Variants in INPP4A observed in about 807,000 individuals in gnomAD.
INPP4A encodes inositol polyphosphate-4-phosphatase type I A.
A neutral mutation model predicts 119.8 loss-of-function variants in INPP4A; 33 were observed. The observed-to-expected ratio is 0.28, with a 90% CI of 0.21 to 0.37. INPP4A has a LOEUF of 0.37. Among genes scored for constraint, INPP4A ranks in the 10% least tolerant of loss-of-function variants. INPP4A has a pLI of 1.00. For synonymous variants in INPP4A, 496 were observed against 500.7 expected (o/e 0.99, Z 0.12); for missense variants, 956 against 1,289.9 (o/e 0.74, Z 3.97).
At chr2:98,499,698 T>G (rs1682727992) in intron 1 of INPP4A, among the ~76,000 whole-genome samples, 1 of 152,220 alleles carries the variant, frequency 6.6e-6, no homozygotes, top group Admixed American at 6.5e-5. Context: ...TTAGAGCAGT[T>G]TTAGTTCACA....
chr2:98,471,160 C>T (rs574066634), intron 1 of INPP4A, among the ~76,000 whole-genome samples: 4 of 152,134 alleles, frequency 2.6e-5, no homozygotes, highest in South Asian at 2.1e-4. Flanking sequence ...TATGAGTGTG[C>T]GTGTATGTGG....
At chr2:98,539,725 C>T in intron 10 of INPP4A, 50 bp downstream of exon 10, 1 of 1,551,764 alleles carries the variant, frequency 6.4e-7, no homozygotes, top group African/African-American at 1.4e-5. Context: ...TGTCATGTGC[C>T]CCTTCCTTTC....
chr2:98,556,920 A>G (rs1162295435), intron 16 of INPP4A, among the ~76,000 whole-genome samples: 1 of 152,190 alleles, frequency 6.6e-6, no homozygotes, highest in East Asian at 1.9e-4. Flanking sequence ...TGGCTCATGG[A>G]ACTATTTTGT....
Position 98,570,930 on chromosome 2 carries a change from C to T in INPP4A, c.2519-1885C>T, listed in dbSNP as rs574960338. The stretch of plus-strand genomic sequence containing the variant: ...CAGAGAGCCTGGAAAAATACAGATG[C>T]CTGGGCCCCACCCCAGAGTGTGGTG... On this transcript the variant is annotated intron_variant, in intron 22 of 24. Coordinates refer to ENST00000409851, the MANE Select transcript of INPP4A (RefSeq NM_001134225.2). This position sits in a 1 kb window ranked among gnomAD's most constrained non-coding sequence, Gnocchi z 4.3. Among the ~76,000 whole-genome samples the T allele has an allele frequency of 2.1e-4, 32 of 152,164 alleles. No individual in the cohort carries two copies. The highest frequency in any genetic ancestry group is 4.3e-4 in the Non-Finnish European group (29 of 67,972).
At chr2:98,511,065 T>C (rs1311930518) in intron 1 of INPP4A, among the ~76,000 whole-genome samples, 2 of 145,610 alleles carry the variant, frequency 1.4e-5, no homozygotes, top group Non-Finnish European at 3.0e-5. Flanking sequence ...CTTGATTCAA[T>C]TTTTTTTTTT....
chr2:98,536,291 C>CT, intron 7 of INPP4A, 83 bp downstream of exon 7: 1 of 821,412 alleles, frequency 1.2e-6, no homozygotes, highest in Non-Finnish European at 2.1e-6. Flanking sequence ...ACTTCTTATA[C>CT]TGAGAGAGCA....
intron 11 of INPP4A, 61 bp downstream of exon 11, chr2:98,544,068 C>T: frequency 7.0e-7 from 1 of 1,421,370 alleles, no homozygotes; most frequent in Non-Finnish European, 9.6e-7. Flanking sequence ...CACACACTCT[C>T]ACTCTCACTC....
intron 1 of INPP4A, among the ~76,000 whole-genome samples, chr2:98,464,289 A>G (rs996252217): frequency 1.3e-5 from 2 of 152,052 alleles, no homozygotes; most frequent in East Asian, 1.9e-4. Flanking sequence ...GCAGCAACCC[A>G]GGGGAAGCTG....
chr2:98,460,136 T>TGTGTGTGTGTGTGTGTGTGTG (rs1558872495), intron 1 of INPP4A, among the ~76,000 whole-genome samples: 1 of 152,006 alleles, frequency 6.6e-6, no homozygotes, highest in African/African-American at 2.4e-5. Context: ...TGTGTGTATG[T>TGTGTGTGTGTGTGTGTGTGTG]TTAAAATTAA....
chr2:98,454,586 A>T (rs913729397), intron 1 of INPP4A, among the ~76,000 whole-genome samples: 1 of 152,126 alleles, frequency 6.6e-6, no homozygotes, highest in Non-Finnish European at 1.5e-5. Context: ...TCCACTTGAC[A>T]GTCTTGGTAA....
At chr2:98,499,405 T>TA (rs1422895423) in intron 1 of INPP4A, among the ~76,000 whole-genome samples, 1 of 152,266 alleles carries the variant, frequency 6.6e-6, no homozygotes, top group Non-Finnish European at 1.5e-5. Context: ...CTTTCCTCAC[T>TA]ACATGGTTTA....
intron 1 of INPP4A, among the ~76,000 whole-genome samples, chr2:98,459,769 G>A (rs1310838993): frequency 6.6e-6 from 1 of 152,256 alleles, no homozygotes; most frequent in Non-Finnish European, 1.5e-5. Context: ...TTTGTTGAGT[G>A]AACGAATGAA....
chr2:98,460,655 C>T (rs72821903), intron 1 of INPP4A, among the ~76,000 whole-genome samples: 7 of 152,242 alleles, frequency 4.6e-5, no homozygotes, highest in Admixed American at 3.9e-4. Flanking sequence ...TTGTGGGCCG[C>T]GACTTGGCCT....
At chr2:98,577,231 C>A in intron 24 of INPP4A, 88 bp downstream of exon 24, 5 of 1,336,032 alleles carry the variant, frequency 3.7e-6, no homozygotes, top group Non-Finnish European at 5.1e-6. Context: ...GCCTGCAGGG[C>A]CTACCCTGCA....
intron 21 of INPP4A, among the ~76,000 whole-genome samples, chr2:98,567,653 A>G (rs963833325): frequency 2.0e-5 from 3 of 152,168 alleles, no homozygotes; most frequent in African/African-American, 7.2e-5. Context: ...CTGAGGACAG[A>G]GAGGACTTGC....
rs984018952 is a variant in INPP4A at position 98,566,351 on chromosome 2, C to T, written c.2420+182C>T. Among the ~76,000 whole-genome samples, 1 of 152,054 alleles carries T rather than the reference C, an allele frequency of 6.6e-6. No homozygotes were observed. The highest frequency in any genetic ancestry group is 1.9e-4 in the East Asian group (1 of 5,194). ...TTTGGTGCTAGGGACACAGAGTGAC[C>T]CAGAGGTGGTCTCTGTCCTCAGGGA... is the stretch of plus-strand genomic sequence containing the variant. On this transcript the variant is annotated intron_variant, in intron 21 of 24. Coordinates refer to ENST00000409851, the MANE Select transcript of INPP4A (RefSeq NM_001134225.2). This position sits in a 1 kb window ranked among gnomAD's most constrained non-coding sequence, Gnocchi z 4.2.
chr2:98,509,361 C>A (rs1213524721), intron 1 of INPP4A, among the ~76,000 whole-genome samples: 1 of 152,200 alleles, frequency 6.6e-6, no homozygotes, highest in Non-Finnish European at 1.5e-5. Context: ...AGCACAAACC[C>A]TGTTGTGAAC....
In INPP4A at chr2:98,538,994, C is replaced by T. The variant is rs1331259739; in HGVS notation, c.670+13C>T. ...TTGCTGAAATCGGGTAAACAGCTTC[C>T]TCCTTTGGTATTCTTGCCTCTCTAG... On this transcript the variant is annotated intron_variant, in intron 9 of 24. Coordinates refer to ENST00000409851, the MANE Select transcript of INPP4A (RefSeq NM_001134225.2). 6.4e-7 allele frequency: 1 copy of T among 1,561,604 alleles called. No individual in the cohort carries two copies. The highest frequency in any genetic ancestry group is 2.3e-5 in the East Asian group (1 of 44,428).
chr2:98,447,259 C>G (rs1337537747), intron 1 of INPP4A, among the ~76,000 whole-genome samples: 1 of 152,168 alleles, frequency 6.6e-6, no homozygotes, highest in Non-Finnish European at 1.5e-5. Context: ...CTTTGACTTT[C>G]ACTGAGAAAA....
Sources: allele counts gnomAD v4.1 joint callset (sites outside exome capture counted in the v4.1 genomes callset), GRCh38; gene constraint gnomAD v4.1.1; non-coding constraint Gnocchi (gnomAD v3.1); transcripts MANE v1.5; gene names NCBI Gene and HGNC (gene_info 2026-07-23, HGNC 2026-07-21).